The following FARS2 variants were observed in gnomAD, a reference collection of about 807,000 sequenced individuals.
FARS2 encodes phenylalanine--tRNA ligase, mitochondrial.
In FARS2, 40 loss-of-function variants were observed where a neutral mutation model predicts 46.4. That is an observed-to-expected ratio of 0.86 (90% CI 0.67 to 1.12). The LOEUF (loss-of-function observed/expected upper bound fraction) is 1.12. FARS2 is among the 50% of genes most tolerant of loss of function. FARS2 has a pLI of 0.00. For synonymous variants in FARS2, 234 were observed against 214.9 expected (o/e 1.09, Z -0.78); for missense variants, 513 against 567.9 (o/e 0.90, Z 0.98).
At chr6:5,667,903 C>T (rs1778225959) in intron 6 of FARS2, 1 of 152,346 alleles carries the variant, frequency 6.6e-6, no homozygotes, top group Middle Eastern at 3.4e-3. Flanking sequence ...TGGTGATCGA[C>T]TCTTAGAGCA....
chr6:5,385,563 A>G (rs749979829), intron 2 of FARS2, among the ~76,000 whole-genome samples: 4 of 151,938 alleles, frequency 2.6e-5, no homozygotes, highest in Non-Finnish European at 4.4e-5. Context: ...CTGGGACTAC[A>G]GGCATGCACT....
chr6:5,719,396 T>TA (rs55695285), intron 6 of FARS2, among the ~76,000 whole-genome samples: 20,641 of 122,888 alleles, frequency 0.17, 2,421 homozygotes, highest in African/African-American at 0.34. Context: ...CAAAAAAAAT[T>TA]AAAAAAAAAA....
chr6:5,718,259 A>G (rs898728247), intron 6 of FARS2, among the ~76,000 whole-genome samples: 15 of 152,226 alleles, frequency 9.9e-5, no homozygotes, highest in African/African-American at 3.1e-4. Flanking sequence ...TTAATTATGT[A>G]ATAATTTACT....
At chr6:5,367,696 T>C (rs921786555) in intron 1 of FARS2, among the ~76,000 whole-genome samples, 10 of 152,084 alleles carry the variant, frequency 6.6e-5, no homozygotes, top group African/African-American at 2.4e-4. Context: ...TCTGTCACTC[T>C]TCCCCAACAA....
At chr6:5,714,989 C>T (rs1286288122) in intron 6 of FARS2, among the ~76,000 whole-genome samples, 3 of 152,126 alleles carry the variant, frequency 2.0e-5, no homozygotes, top group Admixed American at 6.5e-5. Flanking sequence ...CGCGCCACTG[C>T]ACTCCAGCCT....
intron 6 of FARS2, among the ~76,000 whole-genome samples, chr6:5,719,440 A>AAGAGAGAAAGAGAGAAAG (rs1229330006): frequency 1.9e-3 from 21 of 10,902 alleles, no homozygotes; most frequent in Admixed American, 0.012. Context: ...AAAGGAAAGA[A>AAGAGAGAAAGAGAGAAAG]AGAGAGAAAG....
At chr6:5,748,637 G>A (rs186785715) in intron 6 of FARS2, among the ~76,000 whole-genome samples, 12 of 152,370 alleles carry the variant, frequency 7.9e-5, no homozygotes, top group East Asian at 1.9e-4. Flanking sequence ...GGCTGGGGCC[G>A]AGAGAGGCTG....
intron 5 of FARS2, among the ~76,000 whole-genome samples, chr6:5,576,298 C>T (rs1772958974): frequency 6.6e-6 from 1 of 151,994 alleles, no homozygotes; most frequent in East Asian, 1.9e-4. Context: ...TCTGGGAAGG[C>T]ACCAACTAAT....
chr6:5,656,570 A>G (rs887477278), intron 6 of FARS2, among the ~76,000 whole-genome samples: 2 of 151,740 alleles, frequency 1.3e-5, no homozygotes, highest in African/African-American at 4.8e-5. Context: ...TTTTTTTTGG[A>G]GACAGAGTCT....
chr6:5,684,821 T>A (rs2150842627), intron 6 of FARS2, among the ~76,000 whole-genome samples: 1 of 152,316 alleles, frequency 6.6e-6, no homozygotes, highest in Non-Finnish European at 1.5e-5. Context: ...ATTATGTTTG[T>A]GAAAGGACTC....
At chr6:5,715,443 A>G (rs1273723685) in intron 6 of FARS2, among the ~76,000 whole-genome samples, 1 of 152,046 alleles carries the variant, frequency 6.6e-6, no homozygotes, top group Non-Finnish European at 1.5e-5. Flanking sequence ...CCCCTCAGCA[A>G]TCACCGCCCT....
At chr6:5,720,153 C>T (rs1386804374) in intron 6 of FARS2, among the ~76,000 whole-genome samples, 3 of 151,578 alleles carry the variant, frequency 2.0e-5, no homozygotes, top group African/African-American at 7.3e-5. Flanking sequence ...AAAAGCAATT[C>T]CATTAAATAC....
chr6:5,339,396 G>A (rs893145799), intron 1 of FARS2, among the ~76,000 whole-genome samples: 1 of 151,548 alleles, frequency 6.6e-6, no homozygotes, highest in Non-Finnish European at 1.5e-5. Flanking sequence ...TTTGTTTATC[G>A]TGCATACCAA....
At chr6:5,419,712 A>G (rs960362925) in intron 3 of FARS2, among the ~76,000 whole-genome samples, 1 of 152,090 alleles carries the variant, frequency 6.6e-6, no homozygotes, top group South Asian at 2.1e-4. Flanking sequence ...CTACAGCCCC[A>G]TGCTGCATTT....
At chr6:5,280,938 C>T (rs2127854310) in intron 1 of FARS2, among the ~76,000 whole-genome samples, 1 of 152,154 alleles carries the variant, frequency 6.6e-6, no homozygotes, top group East Asian at 1.9e-4. Context: ...ATTGTATTTT[C>T]CTTCCATTTT....
chr6:5,634,593 A>C (rs1296709017), intron 6 of FARS2, among the ~76,000 whole-genome samples: 1 of 152,238 alleles, frequency 6.6e-6, no homozygotes, highest in Non-Finnish European at 1.5e-5. Context: ...CAAAGGCATG[A>C]GCCACAATGC....
chr6:5,333,095 A>G (rs1387143920), intron 1 of FARS2, among the ~76,000 whole-genome samples: 5 of 152,104 alleles, frequency 3.3e-5, no homozygotes, highest in Non-Finnish European at 5.9e-5. Flanking sequence ...TCGCCTTGAC[A>G]TTTTTCATCA....
At chr6:5,546,254 ACT>A (rs1491191657) in intron 5 of FARS2, among the ~76,000 whole-genome samples, 6 of 114,794 alleles carry the variant, frequency 5.2e-5, no homozygotes, top group Non-Finnish European at 1.0e-4. Context: ...CCAATTTTGT[ACT>A]TTTTTTTTTT....
In FARS2 at chr6:5,522,262, G is replaced by C. The variant is rs1769188494; in HGVS notation, c.905-22918G>C. On this transcript the variant is annotated intron_variant, in intron 4 of 6. Transcript: ENST00000274680. Reference sequence around the variant, plus strand: ...GTCTCCCAAGCCCAGACCTGGAAGGGGCTCACAGTCTGTCTATCTGTCTGC... The same window carrying C: ...GTCTCCCAAGCCCAGACCTGGAAGGCGCTCACAGTCTGTCTATCTGTCTGC... 2.6e-5 allele frequency among the ~76,000 whole-genome samples: 4 copies of C among 152,294 alleles called. No homozygotes were observed. In the South Asian group the frequency reaches 8.3e-4, roughly 32 times the overall value.
Sources: allele counts gnomAD v4.1 joint callset (sites outside exome capture counted in the v4.1 genomes callset), GRCh38; gene constraint gnomAD v4.1.1; transcripts MANE v1.5; gene names NCBI Gene and HGNC (gene_info 2026-07-23, HGNC 2026-07-21).